Variants in PABPC4L observed in about 807,000 individuals in gnomAD.
PABPC4L encodes polyadenylate-binding protein 4-like.
For missense variants in PABPC4L, 452 were observed against 451.4 expected (o/e 1.00, Z -0.01); for synonymous variants, 169 against 164.1 (o/e 1.03, Z -0.23).
At chr4:133,991,978 G>A in the PABPC4L span, among the ~76,000 whole-genome samples, 277 of 152,216 alleles carry the variant, frequency 1.8e-3, 1 homozygote, top group African/African-American at 6.3e-3. Context: ...TATGAATAAC[G>A]GTCATAGTAT....
At chr4:134,070,064 C>T in the PABPC4L span, among the ~76,000 whole-genome samples, 1 of 135,202 alleles carries the variant, frequency 7.4e-6, no homozygotes, top group Non-Finnish European at 1.5e-5. Context: ...TGGATTTATG[C>T]TACATTTCCA....
the PABPC4L span, among the ~76,000 whole-genome samples, chr4:134,080,127 C>T: frequency 1.3e-5 from 2 of 151,906 alleles, no homozygotes; most frequent in African/African-American, 4.8e-5. Flanking sequence ...GTGGTTTAAT[C>T]TAGTATTTCA....
At chr4:133,994,164 C>A in the PABPC4L span, among the ~76,000 whole-genome samples, 2 of 152,046 alleles carry the variant, frequency 1.3e-5, no homozygotes, top group African/African-American at 4.8e-5. Context: ...TCTCCCTTTG[C>A]CAGACCTTTT....
chr4:134,080,466 A>C, the PABPC4L span, among the ~76,000 whole-genome samples: 1 of 152,108 alleles, frequency 6.6e-6, no homozygotes. Flanking sequence ...TTCATTTGGG[A>C]ATTCTTATAT....
At chr4:134,131,507 T>A in the PABPC4L span, among the ~76,000 whole-genome samples, 1 of 151,714 alleles carries the variant, frequency 6.6e-6, no homozygotes, top group Non-Finnish European at 1.5e-5. Flanking sequence ...GTGAAAGACC[T>A]CTACAGGGAC....
chr4:134,091,135 T>C, the PABPC4L span, among the ~76,000 whole-genome samples: 1 of 152,122 alleles, frequency 6.6e-6, no homozygotes, highest in East Asian at 1.9e-4. Context: ...GTTGTCCTAA[T>C]CGAGAGTATG....
the PABPC4L span, among the ~76,000 whole-genome samples, chr4:134,078,596 C>T: frequency 6.6e-6 from 1 of 150,886 alleles, no homozygotes; most frequent in South Asian, 2.1e-4. Context: ...CAGGAAAATA[C>T]TCATTATAGT....
At chr4:134,095,512 C>A in the PABPC4L span, among the ~76,000 whole-genome samples, 1 of 151,846 alleles carries the variant, frequency 6.6e-6, no homozygotes, top group Non-Finnish European at 1.5e-5. Flanking sequence ...ATTAAATAGA[C>A]AAACGCCAAT....
chr4:134,139,299 G>A, the PABPC4L span, among the ~76,000 whole-genome samples: 2 of 151,886 alleles, frequency 1.3e-5, no homozygotes, highest in Non-Finnish European at 2.9e-5. Flanking sequence ...GCCACTTTCT[G>A]GTAGGCAGGA....
chr4:133,950,949 G>A, the PABPC4L span, among the ~76,000 whole-genome samples: 1 of 152,150 alleles, frequency 6.6e-6, no homozygotes, highest in Admixed American at 6.5e-5. Context: ...ATCACTCCAT[G>A]GGCATATTTG....
At chr4:134,137,051 C>A in the PABPC4L span, among the ~76,000 whole-genome samples, 1 of 151,938 alleles carries the variant, frequency 6.6e-6, no homozygotes, top group Non-Finnish European at 1.5e-5. Flanking sequence ...TACTGGAGTT[C>A]ATTCTCATAA....
chr4:134,094,247 A>G, the PABPC4L span, among the ~76,000 whole-genome samples: 1 of 151,850 alleles, frequency 6.6e-6, no homozygotes, highest in African/African-American at 2.4e-5. Context: ...CCATATTTTT[A>G]TTGAAAGGTA....
the PABPC4L span, among the ~76,000 whole-genome samples, chr4:134,144,693 A>G: frequency 6.6e-6 from 1 of 151,410 alleles, no homozygotes; most frequent in Middle Eastern, 3.4e-3. Context: ...CTTTTCTATT[A>G]TACTCGGGAC....
At chr4:134,178,487 G>GTT in the PABPC4L span, among the ~76,000 whole-genome samples, 12 of 151,668 alleles carry the variant, frequency 7.9e-5, no homozygotes, top group East Asian at 3.9e-4. Flanking sequence ...AAGCCAGAGT[G>GTT]TTTTTTTACC....
the PABPC4L span, among the ~76,000 whole-genome samples, chr4:134,084,264 A>G: frequency 4.6e-5 from 7 of 151,934 alleles, no homozygotes; most frequent in Non-Finnish European, 8.8e-5. Flanking sequence ...CCAGGCTGGT[A>G]TCAAACTCCT....
chr4:134,017,054 C>T, the PABPC4L span, among the ~76,000 whole-genome samples: 3 of 152,136 alleles, frequency 2.0e-5, no homozygotes, highest in South Asian at 6.2e-4. Context: ...CTCGGTTTGG[C>T]CTTCCCACCT....
chr4:134,017,398 A>C, the PABPC4L span, among the ~76,000 whole-genome samples: 2 of 152,064 alleles, frequency 1.3e-5, no homozygotes, highest in African/African-American at 4.8e-5. Flanking sequence ...ACTGTGCCCC[A>C]AAAAACTTGT....
chr4:134,189,014 A>G, the PABPC4L span, among the ~76,000 whole-genome samples: 1 of 151,596 alleles, frequency 6.6e-6, no homozygotes, highest in Non-Finnish European at 1.5e-5. Flanking sequence ...TCATTTTGTA[A>G]GTTTTGTTAA....
the PABPC4L span, among the ~76,000 whole-genome samples, chr4:134,057,368 T>C: frequency 6.6e-6 from 1 of 152,090 alleles, no homozygotes; most frequent in African/African-American, 2.4e-5. Context: ...TGGTTTCCAT[T>C]GATATAATGA....
Sources: allele counts gnomAD v4.1 joint callset (sites outside exome capture counted in the v4.1 genomes callset), GRCh38; gene constraint gnomAD v4.1.1; transcripts MANE v1.5; gene names NCBI Gene and HGNC (gene_info 2026-07-23, HGNC 2026-07-21).